Variants in CRIM1 observed in about 807,000 individuals in gnomAD.
CRIM1 encodes the protein cysteine rich transmembrane BMP regulator 1, also known as cysteine-rich motor neuron 1 protein.
In CRIM1, 32 loss-of-function variants were observed where a neutral mutation model predicts 116.4. That is an observed-to-expected ratio of 0.27 (90% CI 0.21 to 0.37). The LOEUF (loss-of-function observed/expected upper bound fraction) is 0.37. Ranked by LOEUF, CRIM1 falls within the 10% of genes least tolerant of loss-of-function variation. The pLI is 1.00. For missense variants in CRIM1, 1,331 were observed against 1,354.8 expected (o/e 0.98, Z 0.28); for synonymous variants, 590 against 509.2 (o/e 1.16, Z -2.13).
At chr2:36,410,649 G>T (rs1229247183) in intron 2 of CRIM1, among the ~76,000 whole-genome samples, 1 of 151,860 alleles carries the variant, frequency 6.6e-6, no homozygotes, top group Non-Finnish European at 1.5e-5. Flanking sequence ...CTAACAGAAG[G>T]ACACTTTAAA....
At chr2:36,443,554 G>A (rs1430863582) in intron 4 of CRIM1, among the ~76,000 whole-genome samples, 3 of 152,056 alleles carry the variant, frequency 2.0e-5, no homozygotes, top group Non-Finnish European at 2.9e-5. Flanking sequence ...TTCAGCTTTC[G>A]TTCTGCGTTT....
chr2:36,382,508 C>T (rs1181663010), intron 1 of CRIM1, among the ~76,000 whole-genome samples: 2 of 152,164 alleles, frequency 1.3e-5, no homozygotes, highest in Non-Finnish European at 2.9e-5. Context: ...ATGTCCTTTC[C>T]TCTCTTCTCA....
At chr2:36,463,876 A>G (rs956532197) in intron 4 of CRIM1, among the ~76,000 whole-genome samples, 1 of 152,190 alleles carries the variant, frequency 6.6e-6, no homozygotes, top group Non-Finnish European at 1.5e-5. Context: ...TTCAGCTTCC[A>G]AGATAGCTGT....
intron 1 of CRIM1, among the ~76,000 whole-genome samples, chr2:36,394,225 G>A (rs1256406418): frequency 6.6e-6 from 1 of 152,132 alleles, no homozygotes; most frequent in Non-Finnish European, 1.5e-5. Flanking sequence ...AAATATACAT[G>A]GCTTCCAGTA....
intron 4 of CRIM1, among the ~76,000 whole-genome samples, chr2:36,444,036 T>G (rs1676060000): frequency 6.6e-6 from 1 of 152,184 alleles, no homozygotes; most frequent in Non-Finnish European, 1.5e-5. Context: ...GTAAAGGAGA[T>G]AAATGGAGCA....
intron 2 of CRIM1, among the ~76,000 whole-genome samples, chr2:36,419,685 A>C (rs1183874214): frequency 6.6e-6 from 1 of 152,242 alleles, no homozygotes; most frequent in Non-Finnish European, 1.5e-5. Context: ...TTATGTTAGA[A>C]TCTGAGCATA....
intron 1 of CRIM1, among the ~76,000 whole-genome samples, chr2:36,368,775 C>T (rs1307603525): frequency 1.3e-5 from 2 of 152,218 alleles, no homozygotes; most frequent in Non-Finnish European, 2.9e-5. Context: ...GCCACCATTT[C>T]CTAGGTATGT....
chr2:36,362,053 A>T (rs1669256982), intron 1 of CRIM1, among the ~76,000 whole-genome samples: 1 of 152,120 alleles, frequency 6.6e-6, no homozygotes, highest in Non-Finnish European at 1.5e-5. Context: ...GTGAGGGGGA[A>T]ACTAGGGAGC....
chr2:36,487,963 G>A lies in CRIM1; in HGVS notation c.1372+8269G>A, dbSNP rs1442488010. Among the ~76,000 whole-genome samples the A allele has an allele frequency of 3.9e-5, 6 of 152,236 alleles. No individual in the cohort carries two copies. The East Asian group carries it at 9.6e-4, about 24-fold the overall frequency. On this transcript the variant is annotated intron_variant, in intron 7 of 16. Transcript: ENST00000280527. ...ATTAGACTAAAATAATTTGCCTACA[G>A]AAACAGGTCAAAATAGGTTGCGATT...
chr2:36,502,428 G>A (rs888105120), intron 8 of CRIM1, among the ~76,000 whole-genome samples: 6 of 152,138 alleles, frequency 3.9e-5, no homozygotes, highest in Non-Finnish European at 8.8e-5. Flanking sequence ...TCACACTTAG[G>A]AAGAAATAGG....
chr2:36,544,572 T>C (rs905746031), intron 15 of CRIM1, 74 bp downstream of exon 15: 169 of 1,290,290 alleles, frequency 1.3e-4, no homozygotes, highest in Middle Eastern at 8.4e-4. Flanking sequence ...TTTTTAAAAT[T>C]TCCTATGAGT....
chr2:36,521,954 T>G, intron 12 of CRIM1, 138 bp from the exon 13 acceptor site: 1 of 673,032 alleles, frequency 1.5e-6, no homozygotes, highest in South Asian at 1.8e-5. Context: ...CGAATCATAC[T>G]TTCTGATTTG....
chr2:36,390,132 A>T (rs1460953065), intron 1 of CRIM1, among the ~76,000 whole-genome samples: 1 of 152,184 alleles, frequency 6.6e-6, no homozygotes, highest in Non-Finnish European at 1.5e-5. Context: ...GAGGAGAAAG[A>T]CTAAGTCCAG....
intron 13 of CRIM1, among the ~76,000 whole-genome samples, chr2:36,531,628 T>C (rs1666127100): frequency 6.6e-6 from 1 of 152,206 alleles, no homozygotes; most frequent in Non-Finnish European, 1.5e-5. Context: ...TGTTAAGTCT[T>C]CTTTTCTTAT....
rs139895660 is a variant in CRIM1, at chr2:36,479,539, A to T, written c.1217A>T (p.Asn406Ile). Residue 406 changes from asparagine to isoleucine, a missense_variant, in exon 7 of 17, where the codon AAT (asparagine) becomes ATT (isoleucine). Asn to Ile is a moderately radical substitution (Grantham distance 149). Transcript: ENST00000280527. The part of the protein sequence containing the change: ...PFNNPAGCYA[N>I]GLILAHGDRW... ...AATAATCCCGCTGGCTGCTATGCCA[A>T]TGGCCTGATCCTTGCCCACGGAGAC... 1.9e-6 allele frequency: 3 copies of T among 1,614,128 alleles called. No individual in the cohort carries two copies. In the African/African-American group the frequency reaches 4.0e-5, roughly 22 times the overall value.
At chr2:36,489,575 C>A (rs997252486) in intron 7 of CRIM1, among the ~76,000 whole-genome samples, 1 of 152,180 alleles carries the variant, frequency 6.6e-6, no homozygotes, top group Non-Finnish European at 1.5e-5. Context: ...CCCTACAATT[C>A]TTGTTATGAA....
chr2:36,481,610 C>T (rs2125050466), intron 7 of CRIM1, among the ~76,000 whole-genome samples: 1 of 152,292 alleles, frequency 6.6e-6, no homozygotes. Flanking sequence ...GGGGTAAGTG[C>T]ATCACATTTG....
rs536308580 is a variant in CRIM1 at position 36,548,095 on chromosome 2, T to C, written c.2935-430T>C. On this transcript the variant is annotated intron_variant, in intron 16 of 16. Transcript: ENST00000280527. Reference sequence around the variant, plus strand: ...CTGGGAAACAGACCCGCTCATAAAGTGTATGGAGTGACTAGCAACACACAG... The same window carrying C: ...CTGGGAAACAGACCCGCTCATAAAGCGTATGGAGTGACTAGCAACACACAG... Among the ~76,000 whole-genome samples, 23 of 152,152 alleles carry C rather than the reference T, an allele frequency of 1.5e-4. No individual in the cohort carries two copies. In the South Asian group the frequency reaches 4.6e-3, roughly 30 times the overall value.
At chr2:36,502,596 A>G (rs1681077568) in intron 8 of CRIM1, among the ~76,000 whole-genome samples, 1 of 152,248 alleles carries the variant, frequency 6.6e-6, no homozygotes, top group Non-Finnish European at 1.5e-5. Flanking sequence ...TAAGGCCACA[A>G]AGATGACTAA....
Sources: gnomAD v4.1 joint callset for allele counts (sites outside exome capture counted in the v4.1 genomes callset) on GRCh38, gnomAD v4.1.1 for gene constraint, MANE v1.5 for transcripts, NCBI Gene and HGNC (gene_info 2026-07-23, HGNC 2026-07-21) for gene names.